Variants in RPS6KC1 observed in about 807,000 individuals in gnomAD.
RPS6KC1 encodes ribosomal protein S6 kinase C1, also known as inactive ribosomal protein S6 kinase delta-1.
RPS6KC1 carries 54 observed loss-of-function variants against 103.8 expected under a neutral mutation model. The ratio of observed to expected loss-of-function variants is 0.52; its 90% CI spans 0.42 to 0.65. The LOEUF is 0.65. Among genes scored for constraint, RPS6KC1 ranks in the 30% least tolerant of loss-of-function variants. The pLI is 0.00. For missense variants in RPS6KC1, 1,151 were observed against 1,253.8 expected (o/e 0.92, Z 1.24); for synonymous variants, 439 against 438.7 (o/e 1.00, Z -0.01).
chr1:213,438,219 T>G, the RPS6KC1 span, among the ~76,000 whole-genome samples: 1 of 152,328 alleles, frequency 6.6e-6, no homozygotes, highest in South Asian at 2.1e-4. Flanking sequence ...ATTATAATAG[T>G]TTCTGATCAA....
At chr1:213,845,411 T>C in the RPS6KC1 span, among the ~76,000 whole-genome samples, 8 of 152,182 alleles carry the variant, frequency 5.3e-5, no homozygotes, top group Non-Finnish European at 8.8e-5. Flanking sequence ...TACACACACC[T>C]GTTAACTTTG....
At chr1:213,500,131 A>C in the RPS6KC1 span, among the ~76,000 whole-genome samples, 1 of 152,042 alleles carries the variant, frequency 6.6e-6, no homozygotes, top group Non-Finnish European at 1.5e-5. Flanking sequence ...TGACTCTTGT[A>C]ATAACTTAGC....
the RPS6KC1 span, among the ~76,000 whole-genome samples, chr1:213,288,586 G>A: frequency 6.6e-6 from 1 of 152,212 alleles, no homozygotes; most frequent in Non-Finnish European, 1.5e-5. Context: ...TGGTGTGATT[G>A]AATCAGAGAA....
At chr1:213,673,819 ATTCT>A in the RPS6KC1 span, among the ~76,000 whole-genome samples, 2 of 151,880 alleles carry the variant, frequency 1.3e-5, no homozygotes, top group African/African-American at 4.8e-5. Context: ...AAAAATAATT[ATTCT>A]TTCTTTTTTA....
chr1:213,448,392 C>G, the RPS6KC1 span, among the ~76,000 whole-genome samples: 548 of 152,074 alleles, frequency 3.6e-3, 3 homozygotes, highest in African/African-American at 0.013. Context: ...GTGTGTTTTT[C>G]GAAACCCCCG....
chr1:213,722,754 G>C, the RPS6KC1 span, among the ~76,000 whole-genome samples: 1 of 152,330 alleles, frequency 6.6e-6, no homozygotes, highest in Admixed American at 6.5e-5. Context: ...GCCCAGAGGA[G>C]AGTGGGACTC....
the RPS6KC1 span, among the ~76,000 whole-genome samples, chr1:213,768,245 A>T: frequency 5.9e-5 from 9 of 152,308 alleles, 1 homozygote; most frequent in African/African-American, 1.7e-4. Context: ...CTGACCAGTT[A>T]AAGAGCAAGA....
chr1:213,062,579 G>C (rs61834085), intron 1 of RPS6KC1, among the ~76,000 whole-genome samples: 1 of 150,362 alleles, frequency 6.7e-6, no homozygotes, highest in Non-Finnish European at 1.5e-5. Context: ...TTTTTTTGGG[G>C]CGGAGTCTCG....
At chr1:213,691,198 C>T in the RPS6KC1 span, among the ~76,000 whole-genome samples, 7 of 152,290 alleles carry the variant, frequency 4.6e-5, no homozygotes, top group South Asian at 4.1e-4. Context: ...TTTGCTGTGC[C>T]GAGCCAATCT....
At chr1:213,845,502 A>G in the RPS6KC1 span, among the ~76,000 whole-genome samples, 1 of 152,238 alleles carries the variant, frequency 6.6e-6, no homozygotes, top group Admixed American at 6.5e-5. Context: ...CTATGCTGCT[A>G]TCATTTGTCA....
intron 6 of RPS6KC1, among the ~76,000 whole-genome samples, chr1:213,164,617 C>T (rs1474760978): frequency 6.6e-6 from 1 of 152,190 alleles, no homozygotes; most frequent in African/African-American, 2.4e-5. Flanking sequence ...GTGGTTCATG[C>T]AGTGGCATGA....
At chr1:213,519,012 G>A in the RPS6KC1 span, among the ~76,000 whole-genome samples, 2 of 152,156 alleles carry the variant, frequency 1.3e-5, no homozygotes, top group African/African-American at 4.8e-5. Flanking sequence ...GCTCCAGAAA[G>A]CATTTTCTCT....
chr1:213,370,203 A>C, the RPS6KC1 span, among the ~76,000 whole-genome samples: 4 of 151,598 alleles, frequency 2.6e-5, no homozygotes, highest in African/African-American at 9.8e-5. Context: ...TCTTGCTTGT[A>C]CTAAGACAGT....
chr1:213,314,016 A>G, the RPS6KC1 span, among the ~76,000 whole-genome samples: 3 of 152,030 alleles, frequency 2.0e-5, no homozygotes, highest in Non-Finnish European at 2.9e-5. Context: ...ACGAGTTCAC[A>G]ATCGAGGTGT....
chr1:213,189,804 G>A (rs1035066510), intron 8 of RPS6KC1, among the ~76,000 whole-genome samples: 8 of 151,966 alleles, frequency 5.3e-5, no homozygotes, highest in Non-Finnish European at 1.2e-4. Flanking sequence ...AACCCTACAC[G>A]ATCCTTTCCA....
intron 3 of RPS6KC1, among the ~76,000 whole-genome samples, chr1:213,094,310 T>G (rs949096047): frequency 6.6e-6 from 1 of 152,172 alleles, no homozygotes; most frequent in Non-Finnish European, 1.5e-5. Context: ...ACCTATGAAA[T>G]TTAACATTGA....
At chr1:213,767,736 C>A in the RPS6KC1 span, among the ~76,000 whole-genome samples, 1 of 152,222 alleles carries the variant, frequency 6.6e-6, no homozygotes, top group African/African-American at 2.4e-5. Flanking sequence ...CAGCAGCCCT[C>A]TTCATGGAAG....
At chr1:213,549,058 T>C in the RPS6KC1 span, among the ~76,000 whole-genome samples, 1 of 152,220 alleles carries the variant, frequency 6.6e-6, no homozygotes, top group African/African-American at 2.4e-5. Flanking sequence ...GAATACATGC[T>C]TCTGGTGGCT....
the RPS6KC1 span, among the ~76,000 whole-genome samples, chr1:213,855,728 C>A: frequency 6.6e-6 from 1 of 152,224 alleles, no homozygotes; most frequent in Non-Finnish European, 1.5e-5. Flanking sequence ...TGCTCCTTGG[C>A]CCTTCAGCTC....
Sources: gnomAD v4.1 joint callset for allele counts (sites outside exome capture counted in the v4.1 genomes callset) on GRCh38, gnomAD v4.1.1 for gene constraint, MANE v1.5 for transcripts, NCBI Gene and HGNC (gene_info 2026-07-23, HGNC 2026-07-21) for gene names.